Variants in CRTAC1 observed in about 807,000 individuals in gnomAD.
CRTAC1 encodes the protein acidic secreted protein in cartilage.
CRTAC1 carries 37 observed loss-of-function variants against 67.8 expected under a neutral mutation model. The observed-to-expected ratio is 0.55, with a 90% confidence interval of 0.42 to 0.72. The LOEUF is 0.72. CRTAC1 is among the 30% of genes least tolerant of loss of function. CRTAC1 has a pLI of 0.00. For synonymous variants in CRTAC1, 348 were observed against 371.0 expected, an observed-to-expected ratio of 0.94 and a Z score of 0.71; for missense variants, 780 against 931.6, an observed-to-expected ratio of 0.84 and a Z score of 2.12.
intron 9 of CRTAC1, 59 bp downstream of exon 9, chr10:97,896,850 C>T (rs1307334026): frequency 3.3e-6 from 3 of 908,798 alleles, no homozygotes; most frequent in Non-Finnish European, 5.1e-6. Flanking sequence ...CGCCCTCACC[C>T]CAGTGTATGA....
Position 97,880,347 on chromosome 10 carries a change from T to A in CRTAC1, c.1721A>T (p.Lys574Met). 2.5e-6 allele frequency: 4 copies of A among 1,614,170 alleles called. No individual in the cohort carries two copies. Among genetic ancestry groups the A allele is most frequent in the Non-Finnish European group, 3.4e-6 (4 of 1,179,992 alleles). ...IQFPFVCPRDKPVCVNTYGSY... is the reference protein window; with the variant it reads ...IQFPFVCPRDMPVCVNTYGSY... ...TCCATAGGTGTTGACACATACGGGC[T>A]TGTCTCGAGGGCACACGAATGGGAA... is the stretch of plus-strand genomic sequence containing the variant. Residue 574 changes from lysine to methionine, a missense_variant, in exon 14 of 15, where the codon AAG (lysine) becomes ATG (methionine). Transcript: ENST00000370597.
intron 1 of CRTAC1, among the ~76,000 whole-genome samples, chr10:98,017,488 G>A (rs1171508083): frequency 1.3e-5 from 2 of 152,134 alleles, no homozygotes; most frequent in African/African-American, 4.8e-5. Flanking sequence ...CCAGAGATGG[G>A]AAAACTTGTG....
Position 97,917,650 on chromosome 10 carries a change from C to A in CRTAC1, c.565G>T (p.Gly189Ter). The change falls in exon 5 of 15, where the codon GGA (glycine) becomes TGA (stop). Residue 189 changes from glycine (G) to a stop codon, truncating the protein, a stop_gained. Coordinates refer to ENST00000370597, the MANE Select transcript of CRTAC1 (RefSeq NM_018058.7). LOFTEE classifies it high-confidence loss of function. ...SVACVDRKGS[G>*]RYSIYIANYA... ...TTGGCAATGTAGATAGAGTAGCGTC[C>A]AGAGCCCTGAGGAAGAAGGGAAGGG... is the stretch of plus-strand genomic sequence containing the variant. The A allele has an allele frequency of 6.4e-7, 1 of 1,554,834 alleles. No individual in the cohort carries two copies. Among genetic ancestry groups the A allele is most frequent in the Non-Finnish European group, 8.8e-7 (1 of 1,142,734 alleles).
chr10:97,977,912 C>T (rs1310331166), intron 2 of CRTAC1, among the ~76,000 whole-genome samples: 1 of 152,326 alleles, frequency 6.6e-6, no homozygotes, highest in East Asian at 1.9e-4. Context: ...CCAGCCTGGA[C>T]TCCAGCCTGC....
At chr10:97,998,247 A>T (rs1320586395) in intron 2 of CRTAC1, among the ~76,000 whole-genome samples, 1 of 152,228 alleles carries the variant, frequency 6.6e-6, no homozygotes, top group Non-Finnish European at 1.5e-5. Flanking sequence ...TGCTGGGATT[A>T]CAGGCATGAG....
intron 2 of CRTAC1, among the ~76,000 whole-genome samples, chr10:97,985,105 A>G (rs1304570479): frequency 1.3e-5 from 2 of 152,158 alleles, no homozygotes; most frequent in African/African-American, 2.4e-5. Context: ...AAAGGGCAGT[A>G]TTCCTTGATT....
chr10:97,990,568 A>G (rs1202003611), intron 2 of CRTAC1, among the ~76,000 whole-genome samples: 1 of 152,192 alleles, frequency 6.6e-6, no homozygotes, highest in African/African-American at 2.4e-5. Flanking sequence ...ATGAGAAATG[A>G]TTCTGGTTAC....
In CRTAC1 at chr10:97,978,581, G is replaced by C. The variant is rs564264655; in HGVS notation, c.224+32557C>G. 3.3e-5 allele frequency among the ~76,000 whole-genome samples: 5 copies of C among 152,286 alleles called. No individual in the cohort carries two copies. The South Asian group carries it at 1.0e-3, about 32-fold the overall frequency. ...TGCCCTAGGAATTTCTGCACAAGCT[G>C]CTTGCTCCCCATGACACTGGAGTTG... On this transcript the variant is annotated intron_variant, in intron 2 of 14. Coordinates refer to ENST00000370597, the MANE Select transcript of CRTAC1 (RefSeq NM_018058.7).
intron 11 of CRTAC1, among the ~76,000 whole-genome samples, chr10:97,889,453 TG>T (rs372820099): frequency 1.0e-3 from 97 of 95,104 alleles, no homozygotes; most frequent in African/African-American, 2.3e-3. Context: ...TGGAACTTGG[TG>T]GGGGGGGGTC....
chr10:97,879,369 T>G (rs974608432), intron 14 of CRTAC1, among the ~76,000 whole-genome samples: 13 of 152,248 alleles, frequency 8.5e-5, no homozygotes, highest in Admixed American at 2.0e-4. Context: ...GGCAAAATAA[T>G]GAGCTCACGA....
At chr10:98,026,852 C>T (rs1843243254) in intron 1 of CRTAC1, among the ~76,000 whole-genome samples, 2 of 152,164 alleles carry the variant, frequency 1.3e-5, no homozygotes, top group South Asian at 2.1e-4. Flanking sequence ...GGAGGAAGTC[C>T]ATCCAGTGTG....
chr10:97,965,516 G>C (rs2136646725), intron 2 of CRTAC1, among the ~76,000 whole-genome samples: 1 of 152,300 alleles, frequency 6.6e-6, no homozygotes, highest in East Asian at 1.9e-4. Context: ...ACTACCGCCA[G>C]AGGCAACCCT....
intron 2 of CRTAC1, among the ~76,000 whole-genome samples, chr10:97,986,848 C>T (rs756908235): frequency 2.6e-5 from 4 of 152,174 alleles, no homozygotes; most frequent in Admixed American, 6.5e-5. Context: ...TGACCTTCAG[C>T]GAGAGATCTG....
rs2050193884 is a variant in CRTAC1 at position 97,880,237 on chromosome 10, G to A, written c.1819+12C>T. The A allele has an allele frequency of 9.9e-6, 16 of 1,613,366 alleles. No individual in the cohort carries two copies. Among genetic ancestry groups the A allele is most frequent in the African/African-American group, 1.3e-5 (1 of 74,908 alleles). ...CCTTTTGCTACTGGCCTATGGCTGG[G>A]GCCCCACTCACCCACGCAGGCTGTG... On this transcript the variant is annotated intron_variant, in intron 14 of 14. Coordinates refer to ENST00000370597, the MANE Select transcript of CRTAC1 (RefSeq NM_018058.7).
chr10:98,011,265 G>A lies in CRTAC1; in HGVS notation c.97C>T (p.Pro33Ser), dbSNP rs557447363. The A allele has an allele frequency of 2.4e-5, 38 of 1,614,180 alleles. No individual in the cohort carries two copies. In the Admixed American group the frequency reaches 5.7e-4, roughly 24 times the overall value. ...GAGTTGGTGACTGCAGTGAACATGG[G>A]TTCAGCCCGCTGGGACCCCTCAGTG... ...PITEGSQRAE[P>S]MFTAVTNSVL... is the part of the protein sequence containing the mutation. Residue 33 changes from proline (P) to serine (S), a missense_variant, in exon 2 of 15, where the codon CCC becomes TCC. By Grantham distance (74) the Pro-to-Ser change is moderately conservative. Coordinates refer to ENST00000370597, the MANE Select transcript of CRTAC1 (RefSeq NM_018058.7).
In CRTAC1 at chr10:98,029,488, A is replaced by AGCGGCGGCGGCGGCGGCGGCG. The variant is rs796585183; in HGVS notation, c.24+960_24+961insCGCCGCCGCCGCCGCCGCCGC. Among the ~76,000 whole-genome samples, 62 of 122,828 alleles carry AGCGGCGGCGGCGGCGGCGGCG rather than the reference A, an allele frequency of 5.0e-4. No individual in the cohort carries two copies. Among genetic ancestry groups the AGCGGCGGCGGCGGCGGCGGCG allele is most frequent in the South Asian group, 1.2e-3 (5 of 4,192 alleles). 80.6% of individuals were successfully genotyped at this position (122,828 alleles called of 152,430 possible). ...CACACTGGGTGCACCCACCAGCAGC[A>AGCGGCGGCGGCGGCGGCGGCG]GCAGCGGCGGCGGCGGCGGCGGCGG... On this transcript the variant is annotated intron_variant, in intron 1 of 14. Transcript: ENST00000370597. The surrounding 1 kb of genome is among the most constrained non-coding windows in gnomAD (Gnocchi z 4.7).
chr10:98,024,625 C>T (rs759425099), intron 1 of CRTAC1, among the ~76,000 whole-genome samples: 53 of 151,914 alleles, frequency 3.5e-4, no homozygotes, highest in Non-Finnish European at 6.0e-4. Flanking sequence ...AAGAAGTAAA[C>T]GCTTTGCTTC....
intron 11 of CRTAC1, among the ~76,000 whole-genome samples, chr10:97,886,414 G>A (rs890337530): frequency 6.6e-6 from 1 of 152,198 alleles, no homozygotes; most frequent in East Asian, 1.9e-4. Context: ...CAGCAACGGA[G>A]AGGCTCGGAG....
intron 11 of CRTAC1, among the ~76,000 whole-genome samples, chr10:97,893,306 T>A (rs1270791919): frequency 6.6e-6 from 1 of 152,222 alleles, no homozygotes; most frequent in Non-Finnish European, 1.5e-5. Flanking sequence ...TTTACTAATT[T>A]GAGACCATAG....
Sources: gnomAD v4.1 joint callset for allele counts (sites outside exome capture counted in the v4.1 genomes callset) on GRCh38, gnomAD v4.1.1 for gene constraint, Gnocchi (gnomAD v3.1) non-coding constraint, MANE v1.5 for transcripts, NCBI Gene and HGNC (gene_info 2026-07-23, HGNC 2026-07-21) for gene names.